Variants in NBEA observed in about 807,000 individuals in gnomAD.
NBEA encodes the protein neurobeachin.
Under a neutral mutation model 343.4 loss-of-function variants are expected in NBEA, and 44 were observed. The observed-to-expected ratio is 0.13, with a 90% CI of 0.10 to 0.16. The LOEUF is 0.16. NBEA is among the 10% of genes least tolerant of loss of function. The pLI, the probability that NBEA is intolerant of heterozygous loss-of-function variation, is 1.00. For missense variants in NBEA, 2,555 were observed against 3,631.3 expected, an observed-to-expected ratio of 0.70 and a Z score of 7.62; for synonymous variants, 1,175 against 1,238.7, an observed-to-expected ratio of 0.95 and a Z score of 1.08.
rs1014610477 is a variant in NBEA at position 35,206,826 on chromosome 13, C to A, written c.5367-1874C>A. Among the ~76,000 whole-genome samples the A allele has an allele frequency of 2.0e-5, 3 of 152,030 alleles. No individual in the cohort carries two copies. The East Asian group carries it at 5.8e-4, about 29-fold the overall frequency. On this transcript the variant is annotated intron_variant, in intron 31 of 58. Coordinates refer to ENST00000379939, the MANE Select transcript of NBEA (RefSeq NM_001385012.1). ...GTTTGAGAGTGGTCCAGTTTTCAAG[C>A]CTTAGTTTTGAAATATAGTCCACAT...
rs1456465939 is a variant in NBEA, at chr13:35,440,820, T to TAG, written c.6304+8427_6304+8428insAG. Among the ~76,000 whole-genome samples, 421 of 152,294 alleles carry TAG rather than the reference T, an allele frequency of 2.8e-3. 2 individuals carry two copies. Among genetic ancestry groups the TAG allele is most frequent in the African/African-American group, 9.7e-3 (405 of 41,584 alleles). ...TACCAGTCTCTTACTCTACAGTGTG[T>TAG]TGTAGTAAATACATTTGGAATTTCC... On this transcript the variant is annotated intron_variant, in intron 39 of 58. Coordinates refer to ENST00000379939, the MANE Select transcript of NBEA (RefSeq NM_001385012.1).
chr13:35,082,835 T>C (rs938717868), intron 10 of NBEA, among the ~76,000 whole-genome samples: 1 of 152,146 alleles, frequency 6.6e-6, no homozygotes, highest in African/African-American at 2.4e-5. Context: ...GTCAGATGAG[T>C]AGATTGCAAA....
chr13:35,464,870 T>C lies in NBEA; in HGVS notation c.6449-7530T>C, dbSNP rs117699000. 8.8e-3 allele frequency among the ~76,000 whole-genome samples: 1,346 copies of C among 152,298 alleles called. 21 individuals carry two copies. Among genetic ancestry groups the C allele is most frequent in the Non-Finnish European group, 0.012 (844 of 68,002 alleles). The stretch of plus-strand genomic sequence containing the variant: ...TCTTATACACTGCTGTATTCTCTCC[T>C]TATATGCAAAAACAATATACTACTC... On this transcript the variant is annotated intron_variant, in intron 40 of 58. Coordinates refer to ENST00000379939, the MANE Select transcript of NBEA (RefSeq NM_001385012.1).
chr13:35,231,490 G>A (rs560918124), intron 33 of NBEA, among the ~76,000 whole-genome samples: 21 of 152,054 alleles, frequency 1.4e-4, no homozygotes, highest in African/African-American at 2.9e-4. Context: ...TGTACATATC[G>A]TCTGTGTAGA....
At chr13:34,966,296 A>C (rs1045816340) in intron 1 of NBEA, among the ~76,000 whole-genome samples, 3 of 151,980 alleles carry the variant, frequency 2.0e-5, no homozygotes, top group Non-Finnish European at 4.4e-5. Flanking sequence ...AGTGTTTCTT[A>C]TATTTCTTTT....
intron 34 of NBEA, among the ~76,000 whole-genome samples, chr13:35,238,322 C>T (rs1351398439): frequency 2.0e-5 from 3 of 152,126 alleles, no homozygotes; most frequent in Non-Finnish European, 4.4e-5. Flanking sequence ...CTTCAGGCAG[C>T]CTGGAAATGG....
chr13:35,527,642 C>G (rs1014619902), intron 41 of NBEA, among the ~76,000 whole-genome samples: 1 of 152,206 alleles, frequency 6.6e-6, no homozygotes, highest in Non-Finnish European at 1.5e-5. Flanking sequence ...TCAGCCACAG[C>G]CTTGTACTGT....
intron 40 of NBEA, among the ~76,000 whole-genome samples, chr13:35,467,395 C>T (rs905506088): frequency 2.6e-5 from 4 of 151,868 alleles, no homozygotes; most frequent in Admixed American, 6.6e-5. Context: ...TCGCTTAAAC[C>T]GGGAGGCGGA....
At chr13:35,104,857 T>C (rs1012661069) in intron 11 of NBEA, among the ~76,000 whole-genome samples, 3 of 151,958 alleles carry the variant, frequency 2.0e-5, no homozygotes, top group Admixed American at 6.6e-5. Flanking sequence ...ATATTTTTGA[T>C]TGTGGTTAGT....
At chr13:34,951,006 G>A (rs1021887367) in intron 1 of NBEA, among the ~76,000 whole-genome samples, 6 of 152,098 alleles carry the variant, frequency 3.9e-5, no homozygotes, top group African/African-American at 1.4e-4. Context: ...AATGATGATT[G>A]TTTGCTAGGG....
intron 11 of NBEA, among the ~76,000 whole-genome samples, chr13:35,106,323 C>A (rs1485342122): frequency 3.9e-5 from 6 of 151,972 alleles, no homozygotes; most frequent in East Asian, 1.9e-4. Context: ...AACCGTTAAT[C>A]AAAGGAAATA....
intron 53 of NBEA, among the ~76,000 whole-genome samples, chr13:35,654,237 T>C (rs926576704): frequency 1.3e-5 from 2 of 152,146 alleles, no homozygotes; most frequent in East Asian, 1.9e-4. Context: ...CCTGTCTCTT[T>C]CCTCCCCAGT....
At chr13:35,087,299 C>G (rs186816193) in intron 10 of NBEA, among the ~76,000 whole-genome samples, 2 of 151,838 alleles carry the variant, frequency 1.3e-5, no homozygotes, top group African/African-American at 2.4e-5. Flanking sequence ...GATTTCATGT[C>G]TATATTTAAA....
chr13:35,185,408 CA>C (rs1414521942), intron 30 of NBEA: 1 of 152,072 alleles, frequency 6.6e-6, no homozygotes, highest in Non-Finnish European at 1.5e-5. Context: ...GATGAATGTA[CA>C]AATATTATTT....
chr13:35,245,373 T>A (rs920404293), intron 34 of NBEA, among the ~76,000 whole-genome samples: 1 of 152,160 alleles, frequency 6.6e-6, no homozygotes, highest in Admixed American at 6.6e-5. Flanking sequence ...TAATTTTGTT[T>A]TATAGGTTAT....
At chr13:34,966,894 A>G (rs1467484160) in intron 1 of NBEA, among the ~76,000 whole-genome samples, 5 of 151,828 alleles carry the variant, frequency 3.3e-5, no homozygotes, top group African/African-American at 9.7e-5. Context: ...AAGAGGAGAT[A>G]AGGAACTTGT....
At position 35,464,427 on chromosome 13, in the gene NBEA, C is replaced by G. The variant is rs1478298536; in HGVS notation, c.6449-7973C>G. Among the ~76,000 whole-genome samples, 4 of 152,220 alleles carry G rather than the reference C, an allele frequency of 2.6e-5. No individual in the cohort carries two copies. In the East Asian group the frequency reaches 7.7e-4, roughly 29 times the overall value. On this transcript the variant is annotated intron_variant, in intron 40 of 58. Transcript: ENST00000379939. Reference sequence around the variant, plus strand: ...ACAACTTGTCCAAATTTCTACCCATCCATCACAGCTCACTACAGATGTCAC... The same window carrying G: ...ACAACTTGTCCAAATTTCTACCCATGCATCACAGCTCACTACAGATGTCAC...
chr13:35,225,813 T>G (rs570294871), intron 33 of NBEA, among the ~76,000 whole-genome samples: 1 of 152,224 alleles, frequency 6.6e-6, no homozygotes, highest in East Asian at 1.9e-4. Flanking sequence ...TTTCAAGCTG[T>G]TTGGTTACCT....
At chr13:35,230,522 A>G (rs571303021) in intron 33 of NBEA, among the ~76,000 whole-genome samples, 3 of 152,142 alleles carry the variant, frequency 2.0e-5, no homozygotes, top group East Asian at 1.9e-4. Context: ...AGAAACTATT[A>G]TATCTAGATT....
Sources: gnomAD v4.1 joint callset for allele counts (sites outside exome capture counted in the v4.1 genomes callset) on GRCh38, gnomAD v4.1.1 for gene constraint, MANE v1.5 for transcripts, NCBI Gene and HGNC (gene_info 2026-07-23, HGNC 2026-07-21) for gene names.